Variants in TET2 observed in about 807,000 individuals in gnomAD.
The protein encoded by TET2 is tet methylcytosine dioxygenase 2.
A neutral mutation model predicts 142.9 loss-of-function variants in TET2; 299 were observed. That is an observed-to-expected ratio of 2.09 (90% CI 1.90 to 2.30). The LOEUF is 2.30. Among genes scored for constraint, TET2 ranks in the 30% most tolerant of loss-of-function variants. The pLI, the probability that TET2 is intolerant of heterozygous loss-of-function variation, is 0.00. For missense variants in TET2, 2,418 were observed against 2,378.0 expected, an observed-to-expected ratio of 1.02 and a Z score of -0.35; for synonymous variants, 819 against 849.0, an observed-to-expected ratio of 0.96 and a Z score of 0.61.
chr4:105,221,602 G>A (rs1245890318), intron 2 of TET2, among the ~76,000 whole-genome samples: 1 of 152,184 alleles, frequency 6.6e-6, no homozygotes, highest in East Asian at 1.9e-4. Flanking sequence ...CACGCTGTAT[G>A]TGTATGTGCA....
At chr4:105,166,009 C>A (rs1429936105) in intron 1 of TET2, among the ~76,000 whole-genome samples, 4 of 152,114 alleles carry the variant, frequency 2.6e-5, no homozygotes, top group Admixed American at 2.6e-4. Context: ...TATTCCATAT[C>A]ATTACTTCTT....
rs1731175954 is a variant in TET2 at position 105,275,623 on chromosome 4, G to T, written c.5113G>T (p.Gly1705Cys). The change falls in exon 11 of 11, where the codon GGT becomes TGT. Residue 1705 changes from glycine to cysteine, a missense_variant. By Grantham distance (159) the Gly-to-Cys change is radical. Coordinates refer to ENST00000380013, the MANE Select transcript of TET2 (RefSeq NM_001127208.3). ...GYGNQNMQGDGFSSCTIRPNV... is the reference protein window; with the variant it reads ...GYGNQNMQGDCFSSCTIRPNV... ...TGGAAACCAAAATATGCAGGGAGAT[G>T]GTTTCAGCAGTTGTACCATTAGACC... is the stretch of plus-strand genomic sequence containing the variant. The T allele has an allele frequency of 1.3e-6, 2 of 1,551,854 alleles. No individual in the cohort carries two copies. The highest frequency in any genetic ancestry group is 1.7e-6 in the Non-Finnish European group (2 of 1,147,034).
At chr4:105,209,336 C>A (rs1340865416) in intron 2 of TET2, among the ~76,000 whole-genome samples, 1 of 151,756 alleles carries the variant, frequency 6.6e-6, no homozygotes, top group Non-Finnish European at 1.5e-5. Context: ...AAATGAATTT[C>A]CATCCAAATA....
At chr4:105,157,737 C>A (rs1723638688) in intron 1 of TET2, among the ~76,000 whole-genome samples, 1 of 152,144 alleles carries the variant, frequency 6.6e-6, no homozygotes, top group Non-Finnish European at 1.5e-5. Flanking sequence ...AGTGCAGTGG[C>A]ATGATCTTGG....
At chr4:105,173,420 C>G (rs769006996) in intron 1 of TET2, among the ~76,000 whole-genome samples, 74 of 151,314 alleles carry the variant, frequency 4.9e-4, no homozygotes, top group Middle Eastern at 3.2e-3. Context: ...GTAGTCCCAG[C>G]TACTTGGGAG....
intron 4 of TET2, 168 bp downstream of exon 4, chr4:105,241,597 A>T: frequency 5.9e-6 from 8 of 1,364,672 alleles, no homozygotes; most frequent in Non-Finnish European, 7.6e-6. Flanking sequence ...TTCACCAGAG[A>T]GTCACAATAT....
rs1328690101 is a variant in TET2 at position 105,276,221 on chromosome 4, A to G, written c.5711A>G (p.His1904Arg). 5.2e-6 allele frequency: 8 copies of G among 1,551,538 alleles called. No individual in the cohort carries two copies. The highest frequency in any genetic ancestry group is 2.0e-5 in the Admixed American group (1 of 50,988). ...PTRISLVFYQ[H>R]KSMNEPKHGL... ...AGGATCTCCCTCGTCTTTTACCAGCATAAGAGCATGAATGAGCCAAAACAT... is the reference window on the plus strand; with the variant it reads ...AGGATCTCCCTCGTCTTTTACCAGCGTAAGAGCATGAATGAGCCAAAACAT... Residue 1904 changes from histidine (H) to arginine (R), a missense_variant, in exon 11 of 11, where the codon CAT (histidine) becomes CGT (arginine). By Grantham distance (29) the His-to-Arg change is conservative. Transcript: ENST00000380013.
chr4:105,239,877 T>G (rs573108009), intron 3 of TET2: 2 of 237,982 alleles, frequency 8.4e-6, no homozygotes, highest in South Asian at 3.6e-4. Context: ...TTCCTTTCAC[T>G]TGAACACTTA....
chr4:105,215,978 A>G (rs1727468168), intron 2 of TET2, among the ~76,000 whole-genome samples: 1 of 152,192 alleles, frequency 6.6e-6, no homozygotes, highest in South Asian at 2.1e-4. Context: ...ATGTGTGACT[A>G]AAGTACCTTT....
chr4:105,227,811 TA>T (rs531939568), intron 2 of TET2, among the ~76,000 whole-genome samples: 7 of 152,088 alleles, frequency 4.6e-5, no homozygotes, highest in Admixed American at 2.0e-4. Flanking sequence ...TTTAAATTCA[TA>T]AAAAAAATTC....
chr4:105,275,180 T>C lies in TET2; in HGVS notation c.4670T>C (p.Val1557Ala), dbSNP rs2110312156. ...QQPHHPQTES[V>A]NSYSASGSTN... ...CCACATCACCCTCAGACAGAGTCTGTCAACTCTTATTCTGCTTCTGGATCC... is the reference window on the plus strand; with the variant it reads ...CCACATCACCCTCAGACAGAGTCTGCCAACTCTTATTCTGCTTCTGGATCC... The change falls in exon 11 of 11, where the codon GTC (valine) becomes GCC (alanine). Residue 1557 changes from valine (V) to alanine (A), a missense_variant. By Grantham distance (64) the Val-to-Ala change is moderately conservative. Coordinates refer to ENST00000380013, the MANE Select transcript of TET2 (RefSeq NM_001127208.3). The C allele has an allele frequency of 6.4e-7, 1 of 1,552,138 alleles. No individual in the cohort carries two copies. The highest frequency in any genetic ancestry group is 8.7e-7 in the Non-Finnish European group (1 of 1,147,056).
Position 105,269,715 on chromosome 4 carries a change from G to C in TET2, c.4150G>C (p.Asp1384His). The change falls in exon 9 of 11, where the codon GAC becomes CAC. Residue 1384 changes from aspartate to histidine, a missense_variant. By Grantham distance (81) the Asp-to-His change is moderately conservative (BLOSUM62 -1). Coordinates refer to ENST00000380013, the MANE Select transcript of TET2 (RefSeq NM_001127208.3). ...CLDFCAHAHR[D>H]LHNMQNGSTL... Reference sequence around the variant, plus strand: ...GGACTTCTGTGCTCATGCCCACAGAGACTTGCACAACATGCAGAATGGCAG... The same window carrying C: ...GGACTTCTGTGCTCATGCCCACAGACACTTGCACAACATGCAGAATGGCAG... The C allele has an allele frequency of 6.4e-7, 1 of 1,551,690 alleles. No homozygotes were observed. Among genetic ancestry groups the C allele is most frequent in the Non-Finnish European group, 8.7e-7 (1 of 1,146,958 alleles).
chr4:105,265,481 T>C (rs1578725908), intron 8 of TET2, among the ~76,000 whole-genome samples: 1 of 152,222 alleles, frequency 6.6e-6, no homozygotes, highest in Non-Finnish European at 1.5e-5. Flanking sequence ...GCTGATTGTA[T>C]ATCTGTTTTT....
At chr4:105,175,634 GA>G (rs1262075756) in intron 1 of TET2, among the ~76,000 whole-genome samples, 1 of 151,986 alleles carries the variant, frequency 6.6e-6, no homozygotes, top group East Asian at 1.9e-4. Flanking sequence ...GAAAAAGAAA[GA>G]AAGGATTAGA....
intron 2 of TET2, among the ~76,000 whole-genome samples, chr4:105,204,697 G>A (rs1726713040): frequency 6.6e-6 from 1 of 152,096 alleles, no homozygotes; most frequent in Non-Finnish European, 1.5e-5. Context: ...GATGACTTTA[G>A]CAGTATATAT....
chr4:105,264,248 G>A (rs1431379194), intron 8 of TET2, among the ~76,000 whole-genome samples: 2 of 152,018 alleles, frequency 1.3e-5, no homozygotes, highest in African/African-American at 4.8e-5. Flanking sequence ...GATTAATACT[G>A]TTATTTTGTT....
chr4:105,235,753 A>G lies in TET2; in HGVS notation c.1811A>G (p.Gln604Arg), dbSNP rs1010716240. ...CTCTCCAATCAAATGACCTCCAAAC[A>G]ATACACTGGAAATTCCAACATGCCT... Reference protein sequence around the residue: ...PNLSNQMTSKQYTGNSNMPGG... With the variant: ...PNLSNQMTSKRYTGNSNMPGG... The change falls in exon 3 of 11, where the codon CAA (glutamine) becomes CGA (arginine). Residue 604 changes from glutamine (Q) to arginine (R), a missense_variant. Physicochemically the swap from Gln to Arg is conservative, Grantham distance 43 (BLOSUM62 1). Coordinates refer to ENST00000380013, the MANE Select transcript of TET2 (RefSeq NM_001127208.3). 1.2e-6 allele frequency: 2 copies of G among 1,614,160 alleles called. No homozygotes were observed. Among genetic ancestry groups the G allele is most frequent in the Non-Finnish European group, 8.5e-7 (1 of 1,180,030 alleles).
In TET2 at chr4:105,276,086, T is replaced by C. The variant is rs1352976531; in HGVS notation, c.5576T>C (p.Ile1859Thr). Reference protein sequence around the residue: ...DSEQSFLDPDIGGVAVAPTHG... With the variant: ...DSEQSFLDPDTGGVAVAPTHG... ...GAGCAGAGCTTTCTGGATCCTGACA[T>C]TGGGGGAGTGGCCGTGGCTCCAACT... Residue 1859 changes from isoleucine (I) to threonine (T), a missense_variant, in exon 11 of 11, where the codon ATT (isoleucine) becomes ACT (threonine). Coordinates refer to ENST00000380013, the MANE Select transcript of TET2 (RefSeq NM_001127208.3). The C allele has an allele frequency of 3.9e-6, 6 of 1,551,674 alleles. No individual in the cohort carries two copies. The highest frequency in any genetic ancestry group is 2.4e-5 in the East Asian group (1 of 40,926).
In TET2 at chr4:105,235,327, G is replaced by A; in HGVS notation, c.1385G>A (p.Ser462Asn). The stretch of plus-strand genomic sequence containing the variant: ...AAACCTGAGGCACCACCTTCCCAGA[G>A]TCCTAATCCATCTACACATGTATGC... ...EGKPEAPPSQ[S>N]PNPSTHVCSP... Residue 462 changes from serine (S) to asparagine (N), a missense_variant, in exon 3 of 11, where the codon AGT (serine) becomes AAT (asparagine). Physicochemically the swap from Ser to Asn is conservative, Grantham distance 46 (BLOSUM62 1). Coordinates refer to ENST00000380013, the MANE Select transcript of TET2 (RefSeq NM_001127208.3). The A allele has an allele frequency of 1.9e-6, 3 of 1,614,058 alleles. No individual in the cohort carries two copies. Among genetic ancestry groups the A allele is most frequent in the Non-Finnish European group, 2.5e-6 (3 of 1,179,990 alleles).
Sources: allele counts gnomAD v4.1 joint callset (sites outside exome capture counted in the v4.1 genomes callset), GRCh38; gene constraint gnomAD v4.1.1; transcripts MANE v1.5; gene names NCBI Gene and HGNC (gene_info 2026-07-23, HGNC 2026-07-21).